SMURF2: variants seen among roughly 807,000 people sequenced by gnomAD.
SMURF2 encodes the protein SMAD specific E3 ubiquitin protein ligase 2, also known as E3 ubiquitin-protein ligase SMURF2.
A neutral mutation model predicts 109.6 loss-of-function variants in SMURF2; 48 were observed. The ratio of observed to expected loss-of-function variants is 0.44; its 90% CI spans 0.35 to 0.56. The LOEUF is 0.56. SMURF2 is among the 20% of genes least tolerant of loss of function. The pLI is 0.01. For missense variants in SMURF2, 575 were observed against 909.0 expected (o/e 0.63, Z 4.72); for synonymous variants, 288 against 317.1 (o/e 0.91, Z 0.97).
intron 2 of SMURF2, among the ~76,000 whole-genome samples, chr17:64,599,964 G>C (rs1426567962): frequency 6.6e-6 from 1 of 152,186 alleles, no homozygotes; most frequent in Non-Finnish European, 1.5e-5. Context: ...AAATATGACT[G>C]ACCCAGTAAG....
At chr17:64,632,119 C>A (rs1271820055) in intron 1 of SMURF2, among the ~76,000 whole-genome samples, 1 of 152,064 alleles carries the variant, frequency 6.6e-6, no homozygotes, top group Non-Finnish European at 1.5e-5. Context: ...CTACCACACC[C>A]AGCTAATTTT....
chr17:64,601,927 G>A (rs1294483324), intron 2 of SMURF2, among the ~76,000 whole-genome samples: 3 of 145,744 alleles, frequency 2.1e-5, no homozygotes, highest in Middle Eastern at 3.6e-3. Context: ...ATATGTGTGT[G>A]TATATATATA....
At chr17:64,599,583 T>G (rs73993989) in intron 2 of SMURF2, among the ~76,000 whole-genome samples, 5,657 of 152,256 alleles carry the variant, frequency 0.037, 249 homozygotes, top group African/African-American at 0.1. Flanking sequence ...CATTACAGCC[T>G]GAGCTCCGCC....
intron 1 of SMURF2, among the ~76,000 whole-genome samples, chr17:64,651,246 T>G (rs1970635114): frequency 1.3e-5 from 2 of 150,000 alleles, no homozygotes; most frequent in African/African-American, 2.5e-5. Context: ...TTAATAAAAT[T>G]AAGTTTCTTC....
intron 2 of SMURF2, among the ~76,000 whole-genome samples, chr17:64,603,128 A>C (rs1969920649): frequency 6.6e-6 from 1 of 151,964 alleles, no homozygotes; most frequent in African/African-American, 2.4e-5. Context: ...AAAAAAAAAA[A>C]ACATACACAA....
At chr17:64,634,704 C>T (rs1568204330) in intron 1 of SMURF2, among the ~76,000 whole-genome samples, 1 of 152,172 alleles carries the variant, frequency 6.6e-6, no homozygotes, top group Non-Finnish European at 1.5e-5. Context: ...CATTCTCTTA[C>T]TCACTGTGAA....
In SMURF2 at chr17:64,543,889, T is replaced by C. The variant is rs1555682854; in HGVS notation, c.*1959A>G. On this transcript the variant is annotated 3_prime_UTR_variant, in exon 19 of 19. Coordinates refer to ENST00000262435, the MANE Select transcript of SMURF2 (RefSeq NM_022739.4). ...ATAGCATAGAAACCACTTCCATACA[T>C]TTCAAGATGCTCTTCAGTACTCAGA... 1 of 152,148 alleles carries C rather than the reference T, an allele frequency of 6.6e-6. No individual in the cohort carries two copies. Among genetic ancestry groups the C allele is most frequent in the Non-Finnish European group, 1.5e-5 (1 of 68,034 alleles). The allele number at this position is 152,148 out of a possible 1,614,324, so 9.4% of individuals were successfully genotyped here.
At chr17:64,589,300 A>G (rs1221000245) in intron 5 of SMURF2, among the ~76,000 whole-genome samples, 1 of 152,230 alleles carries the variant, frequency 6.6e-6, no homozygotes, top group Non-Finnish European at 1.5e-5. Flanking sequence ...TTACTACTAG[A>G]CAGTAGTTGG....
chr17:64,602,426 T>TA (rs1194549094), intron 2 of SMURF2, among the ~76,000 whole-genome samples: 1 of 152,184 alleles, frequency 6.6e-6, no homozygotes, highest in Non-Finnish European at 1.5e-5. Context: ...TATGTTCCCT[T>TA]TCTGTTAAAT....
At chr17:64,565,083 T>A (rs1337713483) in intron 10 of SMURF2, among the ~76,000 whole-genome samples, 1 of 152,190 alleles carries the variant, frequency 6.6e-6, no homozygotes, top group East Asian at 1.9e-4. Context: ...AGGCTGATTT[T>A]AAAAAATCCA....
intron 1 of SMURF2, among the ~76,000 whole-genome samples, chr17:64,642,400 G>C (rs1970504006): frequency 1.3e-5 from 2 of 152,136 alleles, no homozygotes; most frequent in South Asian, 4.2e-4. Flanking sequence ...ATACTTATCA[G>C]GCCACTGAGT....
chr17:64,620,969 G>A (rs1056351211), intron 1 of SMURF2, among the ~76,000 whole-genome samples: 3 of 152,058 alleles, frequency 2.0e-5, no homozygotes, highest in Non-Finnish European at 4.4e-5. Flanking sequence ...CTATTCATAA[G>A]TACTCTGCGT....
chr17:64,617,888 C>A (rs186865694), intron 1 of SMURF2, among the ~76,000 whole-genome samples: 1 of 151,974 alleles, frequency 6.6e-6, no homozygotes, highest in East Asian at 1.9e-4. Context: ...CACAAACATG[C>A]GTACTTTTTA....
intron 1 of SMURF2, among the ~76,000 whole-genome samples, chr17:64,614,696 G>C (rs975549943): frequency 1.1e-4 from 17 of 152,136 alleles, no homozygotes; most frequent in Non-Finnish European, 2.1e-4. Context: ...TGATCATCTT[G>C]AGATACTTAG....
At chr17:64,652,656 T>C (rs1405313805) in intron 1 of SMURF2, among the ~76,000 whole-genome samples, 3 of 152,160 alleles carry the variant, frequency 2.0e-5, no homozygotes, top group African/African-American at 2.4e-5. Context: ...CTGGCTAATT[T>C]TTTATTTTTA....
intron 5 of SMURF2, 114 bp from the exon 6 acceptor site, chr17:64,586,284 G>C: frequency 1.8e-6 from 1 of 567,012 alleles, no homozygotes; most frequent in Admixed American, 3.4e-5. Context: ...ACTTTAGAAT[G>C]AACTCTTTGG....
Position 64,547,715 on chromosome 17 carries a change from A to G in SMURF2, c.1956T>C (p.Ile652=), listed in dbSNP as rs80081819. Residue 652 remains isoleucine (I), a synonymous_variant, in exon 17 of 19, where the codon ATT becomes ATC. Transcript: ENST00000262435. The surrounding 1 kb of genome is among the most constrained non-coding windows in gnomAD (Gnocchi z 4.2). ...CCACAGCTTTCCAGAACCATTTGACAATGTTGCTGTCTGGTGTACAGTGTT... is the reference window on the plus strand; with the variant it reads ...CCACAGCTTTCCAGAACCATTTGACGATGTTGCTGTCTGGTGTACAGTGTT... The part of the protein sequence containing the change: ...RLKHCTPDSN[I]VKWFWKAVEF... The G allele has an allele frequency of 3.4e-4, 544 of 1,614,124 alleles. 3 individuals are homozygous for G. The African/African-American group carries it at 6.3e-3, about 19-fold the overall frequency.
At chr17:64,595,138 G>A (rs1969800651) in intron 3 of SMURF2, among the ~76,000 whole-genome samples, 1 of 152,148 alleles carries the variant, frequency 6.6e-6, no homozygotes, top group African/African-American at 2.4e-5. Flanking sequence ...AGTCCAATGT[G>A]CCATATTTTT....
At chr17:64,554,090 C>T (rs1555683833) in intron 15 of SMURF2, among the ~76,000 whole-genome samples, 1 of 152,144 alleles carries the variant, frequency 6.6e-6, no homozygotes, top group African/African-American at 2.4e-5. Context: ...TTACATTTAT[C>T]CCTAAACTCA....
Sources: allele counts gnomAD v4.1 joint callset (sites outside exome capture counted in the v4.1 genomes callset), GRCh38; gene constraint gnomAD v4.1.1; non-coding constraint Gnocchi (gnomAD v3.1); transcripts MANE v1.5; gene names NCBI Gene and HGNC (gene_info 2026-07-23, HGNC 2026-07-21).